ADAMTS6: variants seen among roughly 807,000 people sequenced by gnomAD.
ADAMTS6 encodes ADAM metallopeptidase with thrombospondin type 1 motif 6.
ADAMTS6 carries 23 observed loss-of-function variants against 144.3 expected under a neutral mutation model. The observed-to-expected ratio is 0.16, with a 90% CI of 0.11 to 0.23. The LOEUF (loss-of-function observed/expected upper bound fraction) is 0.23. ADAMTS6 is among the 10% of genes least tolerant of loss of function. ADAMTS6 has a pLI of 1.00. For synonymous variants in ADAMTS6, 444 were observed against 457.5 expected (o/e 0.97, Z 0.38); for missense variants, 999 against 1,379.6 (o/e 0.72, Z 4.37).
chr5:65,451,795 C>T (rs1340646851), intron 6 of ADAMTS6, among the ~76,000 whole-genome samples, 175 bp from the exon 7 acceptor site: 1 of 152,000 alleles, frequency 6.6e-6, no homozygotes, highest in Admixed American at 6.6e-5. Flanking sequence ...TATTATTGAA[C>T]TGGTATTTTT....
chr5:65,387,844 A>G (rs1000445287), intron 7 of ADAMTS6, among the ~76,000 whole-genome samples: 1 of 152,214 alleles, frequency 6.6e-6, no homozygotes, highest in African/African-American at 2.4e-5. Context: ...AGTGAACTTA[A>G]ATACCATAGC....
chr5:65,242,123 G>A lies in ADAMTS6; in HGVS notation c.1914C>T (p.Asn638=). Residue 638 remains asparagine, a synonymous_variant, in exon 15 of 25, where the codon AAC becomes AAT. Coordinates refer to ENST00000381055, the MANE Select transcript of ADAMTS6 (RefSeq NM_197941.4). ...DNMPFRGKYY[N]WKPYTGGGVK... ...CATTACCTCCAGTATAGGGTTTCCA[G>A]TTATAATACTTTCCTCGGAAAGGCA... 1 of 1,601,062 alleles carries A rather than the reference G, an allele frequency of 6.2e-7. No individual in the cohort carries two copies. Among genetic ancestry groups the A allele is most frequent in the Non-Finnish European group, 8.5e-7 (1 of 1,171,808 alleles).
intron 9 of ADAMTS6, among the ~76,000 whole-genome samples, chr5:65,310,200 T>G (rs1240187973): frequency 6.6e-6 from 1 of 151,810 alleles, no homozygotes; most frequent in Non-Finnish European, 1.5e-5. Flanking sequence ...CCTGGAGGCC[T>G]CCCCAGAAGC....
chr5:65,331,565 T>A (rs1441670627), intron 8 of ADAMTS6, among the ~76,000 whole-genome samples: 1 of 152,090 alleles, frequency 6.6e-6, no homozygotes, highest in Admixed American at 6.6e-5. Context: ...TCTGTATACC[T>A]ATAAAATTGA....
At chr5:65,217,230 C>T (rs1221667892) in intron 18 of ADAMTS6, among the ~76,000 whole-genome samples, 1 of 152,174 alleles carries the variant, frequency 6.6e-6, no homozygotes, top group Non-Finnish European at 1.5e-5. Flanking sequence ...TTATTTTCAA[C>T]TCTCACTTGC....
intron 7 of ADAMTS6, among the ~76,000 whole-genome samples, chr5:65,433,954 A>G (rs550253537): frequency 6.6e-6 from 1 of 152,338 alleles, no homozygotes; most frequent in East Asian, 1.9e-4. Flanking sequence ...AAACTCCCAC[A>G]TGAATGTCCA....
intron 7 of ADAMTS6, among the ~76,000 whole-genome samples, chr5:65,381,532 T>TG (rs1752043443): frequency 6.7e-5 from 4 of 59,758 alleles, no homozygotes; most frequent in African/African-American, 2.9e-4. Flanking sequence ...CTGGCTAATT[T>TG]TTTTTTTTTT....
At position 65,150,783 on chromosome 5, in the gene ADAMTS6, G is replaced by A. The variant is rs1298151428; in HGVS notation, c.*1053C>T. 1.3e-5 allele frequency: 2 copies of A among 152,642 alleles called. No homozygotes were observed. The highest frequency in any genetic ancestry group is 2.9e-5 in the Non-Finnish European group (2 of 68,046). The allele number at this position is 152,642 out of a possible 1,614,324, so 9.5% of individuals were successfully genotyped here. A position where few individuals can be genotyped will look rare whatever the true frequency, so the allele number is the denominator to read the frequency against. The stretch of plus-strand genomic sequence containing the variant: ...GGGACATCTGGAACTCATCGTAATT[G>A]TCAACAAACTGCAAAAGGGTCTGCC... On this transcript the variant is annotated 3_prime_UTR_variant, in exon 25 of 25. Coordinates refer to ENST00000381055, the MANE Select transcript of ADAMTS6 (RefSeq NM_197941.4).
chr5:65,203,056 C>G (rs1191974450), intron 20 of ADAMTS6, among the ~76,000 whole-genome samples: 1 of 152,120 alleles, frequency 6.6e-6, no homozygotes, highest in East Asian at 1.9e-4. Context: ...CAGAGTAAGT[C>G]TAGAAAACAG....
At position 65,170,239 on chromosome 5, in the gene ADAMTS6, A is replaced by C. The variant is rs541613862; in HGVS notation, c.3244+378T>G. Reference sequence around the variant, plus strand: ...TGAATTTAAATCTTCAGAATGATAGAGATCCACTGTCATATCCAAAAAGAA... The same window carrying C: ...TGAATTTAAATCTTCAGAATGATAGCGATCCACTGTCATATCCAAAAAGAA... On this transcript the variant is annotated intron_variant, in intron 24 of 24. Coordinates refer to ENST00000381055, the MANE Select transcript of ADAMTS6 (RefSeq NM_197941.4). Among the ~76,000 whole-genome samples, 7 of 152,330 alleles carry C rather than the reference A, an allele frequency of 4.6e-5. No homozygotes were observed. The East Asian group carries it at 1.4e-3, about 29-fold the overall frequency.
chr5:65,411,907 T>C (rs1755088671), intron 7 of ADAMTS6, among the ~76,000 whole-genome samples: 2 of 152,198 alleles, frequency 1.3e-5, no homozygotes, highest in South Asian at 4.1e-4. Context: ...CCATACTATG[T>C]ATCCCATGAA....
chr5:65,352,753 CTCT>C (rs1748981922), intron 7 of ADAMTS6, among the ~76,000 whole-genome samples: 1 of 152,068 alleles, frequency 6.6e-6, no homozygotes, highest in East Asian at 1.9e-4. Flanking sequence ...CCTATAAGTT[CTCT>C]TATCTTGATT....
intron 24 of ADAMTS6, among the ~76,000 whole-genome samples, chr5:65,157,024 C>T (rs925157301): frequency 4.6e-5 from 7 of 152,210 alleles, no homozygotes; most frequent in South Asian, 2.1e-4. Flanking sequence ...AATGACTTTA[C>T]GGAGAATTCC....
chr5:65,220,940 A>C (rs550448954), intron 18 of ADAMTS6, among the ~76,000 whole-genome samples: 25 of 152,328 alleles, frequency 1.6e-4, no homozygotes, highest in African/African-American at 5.5e-4. Context: ...ACAGATATTA[A>C]AAAGATAATA....
chr5:65,174,178 T>C (rs192201431), intron 22 of ADAMTS6, among the ~76,000 whole-genome samples: 3 of 152,232 alleles, frequency 2.0e-5, no homozygotes, highest in South Asian at 2.1e-4. Context: ...ATGAATGAAA[T>C]AGGAGCTCGG....
chr5:65,196,389 G>A lies in ADAMTS6; in HGVS notation c.2705+633C>T, dbSNP rs1388106786. ...TACAAAAAATTTAGCCGGGTGTGGT[G>A]GTGGGCGCCTGTAGTCCCAGGTACT... On this transcript the variant is annotated intron_variant, in intron 21 of 24. Coordinates refer to ENST00000381055, the MANE Select transcript of ADAMTS6 (RefSeq NM_197941.4). Among the ~76,000 whole-genome samples, 6 of 151,844 alleles carry A rather than the reference G, an allele frequency of 4.0e-5. No homozygotes were observed. The South Asian group carries it at 8.4e-4, about 21-fold the overall frequency.
chr5:65,310,517 T>G (rs541150188), intron 9 of ADAMTS6, among the ~76,000 whole-genome samples: 4 of 152,272 alleles, frequency 2.6e-5, no homozygotes, highest in African/African-American at 9.6e-5. Context: ...AGAATGACAC[T>G]GTGTCTCAAA....
intron 7 of ADAMTS6, among the ~76,000 whole-genome samples, chr5:65,427,609 T>A (rs1326614220): frequency 6.6e-6 from 1 of 151,810 alleles, no homozygotes; most frequent in Admixed American, 6.6e-5. Context: ...CCATCGTGGC[T>A]AACATGGTGA....
At chr5:65,155,848 T>C (rs558552859) in intron 24 of ADAMTS6, among the ~76,000 whole-genome samples, 3 of 152,336 alleles carry the variant, frequency 2.0e-5, no homozygotes, top group African/African-American at 7.2e-5. Flanking sequence ...TTCGTTTCTT[T>C]AAGAGTTTGC....
Sources: gnomAD v4.1 joint callset for allele counts (sites outside exome capture counted in the v4.1 genomes callset) on GRCh38, gnomAD v4.1.1 for gene constraint, MANE v1.5 for transcripts, NCBI Gene and HGNC (gene_info 2026-07-23, HGNC 2026-07-21) for gene names.